Variants in SYNE1 observed in about 807,000 individuals in gnomAD.
SYNE1 encodes nesprin-1.
In SYNE1, 616 loss-of-function variants were observed where a neutral mutation model predicts 1,111.0. That is an observed-to-expected ratio of 0.55 (90% CI 0.52 to 0.59). The LOEUF is 0.59. Ranked by LOEUF, SYNE1 falls within the 20% of genes least tolerant of loss-of-function variation. SYNE1 has a pLI of 0.00. For synonymous variants in SYNE1, 3,855 were observed against 3,825.8 expected (o/e 1.01, Z -0.28); for missense variants, 10,006 against 10,417.0 (o/e 0.96, Z 1.72).
intron 29 of SYNE1, among the ~76,000 whole-genome samples, chr6:152,447,094 C>T (rs1199417643): frequency 6.6e-6 from 1 of 152,204 alleles, no homozygotes; most frequent in Non-Finnish European, 1.5e-5. Flanking sequence ...TAGGGTATCA[C>T]ATTTAAACTC....
chr6:152,383,377 T>A (rs1004636735), intron 55 of SYNE1, among the ~76,000 whole-genome samples: 5 of 152,248 alleles, frequency 3.3e-5, no homozygotes, highest in Non-Finnish European at 5.9e-5. Context: ...CATTTACTCC[T>A]AAATCCATGT....
intron 53 of SYNE1, among the ~76,000 whole-genome samples, chr6:152,388,696 A>G (rs1470164980): frequency 6.6e-6 from 1 of 152,202 alleles, no homozygotes; most frequent in South Asian, 2.1e-4. Context: ...GAGCTTTTAG[A>G]GGGCAAAAAC....
intron 145 of SYNE1, among the ~76,000 whole-genome samples, chr6:152,123,988 AC>A (rs2052414453): frequency 6.6e-6 from 1 of 152,226 alleles, no homozygotes; most frequent in Non-Finnish European, 1.5e-5. Context: ...TTAGAAGGGA[AC>A]AGAGGGAGTA....
At chr6:152,403,643 G>C (rs2097852369) in intron 46 of SYNE1, among the ~76,000 whole-genome samples, 2 of 152,046 alleles carry the variant, frequency 1.3e-5, no homozygotes, top group Non-Finnish European at 2.9e-5. Flanking sequence ...AATTGCTTGA[G>C]CTTGGGAGGC....
At chr6:152,576,452 G>T (rs1294197452) in intron 3 of SYNE1, among the ~76,000 whole-genome samples, 3 of 152,028 alleles carry the variant, frequency 2.0e-5, no homozygotes, top group African/African-American at 7.2e-5. Flanking sequence ...TATGCAATTT[G>T]GTGTGTTTTC....
At chr6:152,453,826 C>T in intron 24 of SYNE1, 106 bp from the exon 25 acceptor site, 1 of 1,447,888 alleles carries the variant, frequency 6.9e-7, no homozygotes, top group Non-Finnish European at 9.7e-7. Flanking sequence ...CCAGCTGCTG[C>T]CCTCTTGCAG....
intron 8 of SYNE1, among the ~76,000 whole-genome samples, chr6:152,506,540 C>CATT (rs1349251054): frequency 7.3e-5 from 11 of 150,776 alleles, no homozygotes; most frequent in South Asian, 2.1e-4. Flanking sequence ...TTATTATTAT[C>CATT]ATTATTATTA....
chr6:152,337,681 A>G (rs1436293392), intron 75 of SYNE1, among the ~76,000 whole-genome samples: 1 of 152,224 alleles, frequency 6.6e-6, no homozygotes, highest in Admixed American at 6.5e-5. Context: ...TGTATGACTC[A>G]TGAATTTGGT....
chr6:152,374,572 G>A (rs927895250), intron 58 of SYNE1, among the ~76,000 whole-genome samples: 1 of 152,116 alleles, frequency 6.6e-6, no homozygotes, highest in South Asian at 2.1e-4. Flanking sequence ...CCAGGACTTC[G>A]AGACCAGCCT....
intron 130 of SYNE1, among the ~76,000 whole-genome samples, chr6:152,167,068 A>G (rs1226687270): frequency 4.6e-5 from 7 of 152,200 alleles, no homozygotes; most frequent in Admixed American, 1.3e-4. Context: ...ATACTTGCAG[A>G]CGTCACATGT....
chr6:152,488,531 A>G (rs369871944), intron 11 of SYNE1, 28 bp from the exon 12 acceptor site: 115 of 1,214,064 alleles, frequency 9.5e-5, no homozygotes, highest in Admixed American at 2.0e-4. Context: ...TTACAATTTT[A>G]TTAGTATCTG....
At chr6:152,483,922 C>T (rs937684101) in intron 13 of SYNE1, among the ~76,000 whole-genome samples, 3 of 149,988 alleles carry the variant, frequency 2.0e-5, no homozygotes, top group African/African-American at 4.9e-5. Flanking sequence ...AAAAATTAGG[C>T]TGGGTGCAGT....
At chr6:152,419,484 T>G (rs775489311) in intron 40 of SYNE1, 85 bp downstream of exon 40, 33 of 1,380,318 alleles carry the variant, frequency 2.4e-5, no homozygotes, top group Non-Finnish European at 3.3e-5. Context: ...TTAAACTTTT[T>G]TAAAATGTTG....
At chr6:152,627,212 C>T (rs1042073005) in intron 3 of SYNE1, among the ~76,000 whole-genome samples, 1 of 152,044 alleles carries the variant, frequency 6.6e-6, no homozygotes, top group Admixed American at 6.5e-5. Flanking sequence ...GGGATTATGA[C>T]AAAGAAGCAA....
At chr6:152,189,686 C>T (rs952827248) in intron 127 of SYNE1, among the ~76,000 whole-genome samples, 1 of 152,130 alleles carries the variant, frequency 6.6e-6, no homozygotes, top group Admixed American at 6.5e-5. Context: ...TGTGCAATAG[C>T]ATATGTCTAA....
intron 125 of SYNE1, 101 bp downstream of exon 125, chr6:152,207,871 C>T (rs2153407845): frequency 1.9e-6 from 2 of 1,077,366 alleles, no homozygotes; most frequent in Non-Finnish European, 2.8e-6. Flanking sequence ...TTTGTCCCAG[C>T]TGCAATGTCA....
chr6:152,543,952 T>A (rs1218780032), intron 3 of SYNE1, among the ~76,000 whole-genome samples: 2 of 152,202 alleles, frequency 1.3e-5, no homozygotes, highest in Non-Finnish European at 2.9e-5. Flanking sequence ...GTTCCCACAA[T>A]GATGAATTCA....
intron 3 of SYNE1, among the ~76,000 whole-genome samples, chr6:152,560,581 AT>A (rs2128222327): frequency 6.6e-6 from 1 of 152,294 alleles, no homozygotes; most frequent in Admixed American, 6.5e-5. Context: ...TTCCACACTC[AT>A]TTTATAAGGC....
At chr6:152,360,063 T>C (rs2096906295) in intron 64 of SYNE1, among the ~76,000 whole-genome samples, 1 of 152,198 alleles carries the variant, frequency 6.6e-6, no homozygotes, top group African/African-American at 2.4e-5. Context: ...CACCAATTCT[T>C]TCCCTGTCCC....
Sources: gnomAD v4.1 joint callset for allele counts (sites outside exome capture counted in the v4.1 genomes callset) on GRCh38, gnomAD v4.1.1 for gene constraint, MANE v1.5 for transcripts, NCBI Gene and HGNC (gene_info 2026-07-23, HGNC 2026-07-21) for gene names.